OR10J1: variants seen among roughly 807,000 people sequenced by gnomAD.
OR10J1 encodes olfactory receptor 10J1.
For missense variants in OR10J1, 474 were observed against 376.6 expected (o/e 1.26, Z -2.14); for synonymous variants, 202 against 143.8 (o/e 1.40, Z -2.89).
chr1:159,432,684 G>T, the OR10J1 span: 1 of 412,810 alleles, frequency 2.4e-6, no homozygotes, highest in Non-Finnish European at 4.3e-6. Flanking sequence ...TATCATTCAG[G>T]TGTCTTCTGT....
the OR10J1 span, among the ~76,000 whole-genome samples, chr1:159,403,600 A>G: frequency 8.5e-5 from 13 of 152,204 alleles, no homozygotes; most frequent in African/African-American, 3.1e-4. Flanking sequence ...TTATATCCAA[A>G]AGACAAGACA....
At chr1:159,402,730 T>C in the OR10J1 span, among the ~76,000 whole-genome samples, 1 of 152,058 alleles carries the variant, frequency 6.6e-6, no homozygotes, top group East Asian at 1.9e-4. Flanking sequence ...AAAATACCAA[T>C]GATATTCTCC....
the OR10J1 span, among the ~76,000 whole-genome samples, chr1:159,400,827 C>T: frequency 6.6e-6 from 1 of 151,726 alleles, no homozygotes; most frequent in African/African-American, 2.4e-5. Context: ...CATCCTTTTC[C>T]TCAGCACATG....
rs758212560 is a variant in OR10J1 at position 159,440,361 on chromosome 1, C to T, written c.570C>T (p.Asp190=). 1 of 1,614,196 alleles carries T rather than the reference C, an allele frequency of 6.2e-7. No homozygotes were observed. The highest frequency in any genetic ancestry group is 2.2e-5 in the East Asian group (1 of 44,886). The change falls in exon 1 of 1, where the codon GAC becomes GAT. Residue 190 remains aspartate (D), a synonymous_variant. Coordinates refer to ENST00000423932, the MANE Select transcript of OR10J1 (RefSeq NM_012351.3). Reference sequence around the variant, plus strand: ...CTGTGATGAAGCTCTCCTGCATTGACACCACTGTCAATGAAATCCTGACTT... The same window carrying T: ...CTGTGATGAAGCTCTCCTGCATTGATACCACTGTCAATGAAATCCTGACTT... ...IRPVMKLSCI[D]TTVNEILTLI...
chr1:159,425,364 A>G, the OR10J1 span, among the ~76,000 whole-genome samples: 1 of 152,140 alleles, frequency 6.6e-6, no homozygotes, highest in South Asian at 2.1e-4. Context: ...TTCAGATTTC[A>G]GGAGAGTAAA....
chr1:159,436,089 C>T (rs1655730208), upstream of OR10J1, among the ~76,000 whole-genome samples: 1 of 151,952 alleles, frequency 6.6e-6, no homozygotes, highest in South Asian at 2.1e-4. Context: ...TGCCAGATAC[C>T]ACATTTTTAT....
At chr1:159,412,294 A>T in the OR10J1 span, among the ~76,000 whole-genome samples, 5 of 151,268 alleles carry the variant, frequency 3.3e-5, no homozygotes, top group Non-Finnish European at 5.9e-5. Flanking sequence ...TGCCATCCCC[A>T]TCAAGCTACC....
At chr1:159,431,205 A>T in the OR10J1 span, among the ~76,000 whole-genome samples, 1 of 152,224 alleles carries the variant, frequency 6.6e-6, no homozygotes, top group Non-Finnish European at 1.5e-5. Flanking sequence ...CTAGGTCAGC[A>T]CACTGGACTA....
the OR10J1 span, among the ~76,000 whole-genome samples, chr1:159,419,216 G>A: frequency 6.6e-6 from 1 of 152,136 alleles, no homozygotes; most frequent in Admixed American, 6.5e-5. Context: ...GTGAGAACAT[G>A]AGATTTGGGA....
chr1:159,427,867 C>T, the OR10J1 span, among the ~76,000 whole-genome samples: 5 of 151,974 alleles, frequency 3.3e-5, no homozygotes, highest in Admixed American at 6.6e-5. Context: ...TAGGGGTTTC[C>T]GTTAAAACGT....
At chr1:159,411,720 T>G in the OR10J1 span, among the ~76,000 whole-genome samples, 3 of 152,174 alleles carry the variant, frequency 2.0e-5, no homozygotes, top group African/African-American at 7.2e-5. Context: ...TATTGTTATG[T>G]GTGAATCTGA....
the OR10J1 span, among the ~76,000 whole-genome samples, chr1:159,426,804 A>G: frequency 6.6e-6 from 1 of 151,932 alleles, no homozygotes; most frequent in Non-Finnish European, 1.5e-5. Flanking sequence ...AAAAAGAAGT[A>G]GCCAAACTCT....
chr1:159,432,334 C>T, the OR10J1 span: 1 of 401,382 alleles, frequency 2.5e-6, no homozygotes, highest in Non-Finnish European at 4.4e-6. Context: ...GCCAGCAATG[C>T]TATCATCTTG....
chr1:159,402,163 G>A, the OR10J1 span, among the ~76,000 whole-genome samples: 441 of 151,976 alleles, frequency 2.9e-3, no homozygotes, highest in African/African-American at 0.01. Flanking sequence ...AGCTGAATGG[G>A]GAAAAACTGA....
the OR10J1 span, among the ~76,000 whole-genome samples, chr1:159,423,619 C>T: frequency 2.0e-5 from 3 of 152,166 alleles, no homozygotes; most frequent in Admixed American, 6.6e-5. Flanking sequence ...AGAAGAAGTG[C>T]AGTGTAGACA....
chr1:159,429,198 T>C, the OR10J1 span, among the ~76,000 whole-genome samples: 2 of 152,250 alleles, frequency 1.3e-5, no homozygotes, highest in Non-Finnish European at 2.9e-5. Context: ...AGCCAGGTAC[T>C]GCAAAGCAGG....
At chr1:159,422,259 C>G in the OR10J1 span, among the ~76,000 whole-genome samples, 1 of 152,094 alleles carries the variant, frequency 6.6e-6, no homozygotes, top group Non-Finnish European at 1.5e-5. Context: ...TAGGGAGAGA[C>G]AGGGTGATCC....
the OR10J1 span, among the ~76,000 whole-genome samples, chr1:159,420,045 C>T: frequency 3.4e-4 from 52 of 151,940 alleles, no homozygotes; most frequent in Non-Finnish European, 6.5e-4. Flanking sequence ...TATCCCATTG[C>T]TGAATTTCTC....
At chr1:159,407,903 A>G in the OR10J1 span, among the ~76,000 whole-genome samples, 1 of 152,088 alleles carries the variant, frequency 6.6e-6, no homozygotes, top group Admixed American at 6.6e-5. Flanking sequence ...ATAACTCACA[A>G]CATCAATAGA....
Sources: gnomAD v4.1 joint callset for allele counts (sites outside exome capture counted in the v4.1 genomes callset) on GRCh38, gnomAD v4.1.1 for gene constraint, MANE v1.5 for transcripts, NCBI Gene and HGNC (gene_info 2026-07-23, HGNC 2026-07-21) for gene names.